Variants in LDLRAD3 observed in about 807,000 individuals in gnomAD.
LDLRAD3 encodes the protein low density lipoprotein receptor class A domain containing 3.
In LDLRAD3, 20 loss-of-function variants were observed where a neutral mutation model predicts 29.4. The observed-to-expected ratio is 0.68, with a 90% CI of 0.48 to 0.99. LDLRAD3 has a LOEUF of 0.99. Among genes scored for constraint, LDLRAD3 ranks in the 50% least tolerant of loss-of-function variants. The probability of loss-of-function intolerance (pLI) is 0.00; values close to 1 mark genes in which losing one functional copy is unlikely to be tolerated. For missense variants in LDLRAD3, 420 were observed against 454.3 expected (o/e 0.92, Z 0.69); for synonymous variants, 157 against 192.7 (o/e 0.81, Z 1.53).
chr11:36,154,006 A>T (rs1251173243), intron 4 of LDLRAD3, among the ~76,000 whole-genome samples: 1 of 152,044 alleles, frequency 6.6e-6, no homozygotes, highest in East Asian at 1.9e-4. Flanking sequence ...GGAGTTGGAG[A>T]GGCACCTTCA....
chr11:36,210,590 C>T (rs1458161718), intron 4 of LDLRAD3, among the ~76,000 whole-genome samples: 3 of 152,106 alleles, frequency 2.0e-5, no homozygotes, highest in Non-Finnish European at 2.9e-5. Flanking sequence ...CCAGGAGGCC[C>T]ACTGGTGTTG....
chr11:36,136,559 T>C (rs1854006914), intron 4 of LDLRAD3, among the ~76,000 whole-genome samples: 1 of 152,174 alleles, frequency 6.6e-6, no homozygotes, highest in South Asian at 2.1e-4. Flanking sequence ...TACTTGCTTC[T>C]GCTTTCACCA....
intron 4 of LDLRAD3, among the ~76,000 whole-genome samples, chr11:36,181,219 C>A (rs1854757252): frequency 8.4e-6 from 1 of 119,020 alleles, no homozygotes; most frequent in Non-Finnish European, 1.7e-5. Context: ...AAAAGTAATA[C>A]CTACACATGG....
chr11:36,109,078 T>A (rs1853571710), intron 4 of LDLRAD3, among the ~76,000 whole-genome samples: 1 of 152,110 alleles, frequency 6.6e-6, no homozygotes, highest in Non-Finnish European at 1.5e-5. Context: ...ATGTGGCAGA[T>A]GGAGGATTTT....
chr11:35,968,105 T>C, intron 1 of LDLRAD3: 1 of 451,346 alleles, frequency 2.2e-6, no homozygotes. Context: ...TGGTTTCTCA[T>C]AGAACACATG....
chr11:36,093,846 G>A (rs1375317054), intron 3 of LDLRAD3, among the ~76,000 whole-genome samples: 1 of 152,176 alleles, frequency 6.6e-6, no homozygotes, highest in East Asian at 1.9e-4. Context: ...GTGTGTCTGG[G>A]TCCAGGGCTT....
chr11:35,983,879 C>T (rs139249196), intron 1 of LDLRAD3, among the ~76,000 whole-genome samples: 1,572 of 152,336 alleles, frequency 0.01, 10 homozygotes, highest in Non-Finnish European at 0.015. Flanking sequence ...CCTGCCTCGG[C>T]CTCCCAAAGT....
chr11:35,949,109 C>T (rs535328469), intron 1 of LDLRAD3, among the ~76,000 whole-genome samples: 1 of 152,272 alleles, frequency 6.6e-6, no homozygotes, highest in Non-Finnish European at 1.5e-5. Context: ...TCCCAAGGGC[C>T]TTTGGGCTTT....
At chr11:36,214,769 G>T (rs2133384274) in intron 4 of LDLRAD3, among the ~76,000 whole-genome samples, 1 of 152,290 alleles carries the variant, frequency 6.6e-6, no homozygotes, top group South Asian at 2.1e-4. Flanking sequence ...TCACCTGTGA[G>T]GCTGAATGGA....
chr11:36,227,275 G>T lies in LDLRAD3; in HGVS notation c.645G>T (p.Val215=). ...TLPVHRLQHP[V]LLSRLVVLDH... ...CCGTGCACCGGCTGCAGCACCCTGT[G>T]CTGCTGTCCCGCCTGGTGGTCCTGG... is the stretch of plus-strand genomic sequence containing the variant. Residue 215 remains valine, a synonymous_variant, in exon 5 of 6, where the codon GTG becomes GTT. Coordinates refer to ENST00000315571, the MANE Select transcript of LDLRAD3 (RefSeq NM_174902.4). 1 of 1,614,164 alleles carries T rather than the reference G, an allele frequency of 6.2e-7. No individual in the cohort carries two copies. The highest frequency in any genetic ancestry group is 1.3e-5 in the African/African-American group (1 of 75,070).
At chr11:36,015,308 C>A in intron 1 of LDLRAD3, among the ~76,000 whole-genome samples, 1 of 1,858 alleles carries the variant, frequency 5.4e-4, no homozygotes, top group African/African-American at 2.6e-3. Flanking sequence ...CATGCCATTC[C>A]CCCCCCCCGC....
intron 4 of LDLRAD3, among the ~76,000 whole-genome samples, chr11:36,177,031 T>G (rs945947999): frequency 6.6e-6 from 1 of 152,124 alleles, no homozygotes; most frequent in African/African-American, 2.4e-5. Flanking sequence ...TTCTTTGTCT[T>G]TGTCAGATTG....
intron 4 of LDLRAD3, among the ~76,000 whole-genome samples, chr11:36,150,100 G>A (rs1854256548): frequency 6.6e-6 from 1 of 152,100 alleles, no homozygotes; most frequent in African/African-American, 2.4e-5. Context: ...GTTTACCTGG[G>A]GACTGTGTGG....
Position 35,996,504 on chromosome 11 carries a change from A to G in LDLRAD3, c.47-39599A>G, listed in dbSNP as rs539813845. Among the ~76,000 whole-genome samples the G allele has an allele frequency of 2.6e-5, 4 of 152,354 alleles. No individual in the cohort carries two copies. The East Asian group carries it at 7.7e-4, about 29-fold the overall frequency. On this transcript the variant is annotated intron_variant, in intron 1 of 5. Coordinates refer to ENST00000315571, the MANE Select transcript of LDLRAD3 (RefSeq NM_174902.4). The stretch of plus-strand genomic sequence containing the variant: ...ATTATGAGAATTCCCAAAATGTGAT[A>G]CAAACACATGAAGTGGCACACGAGG...
At chr11:36,089,184 G>C (rs1313502420) in intron 3 of LDLRAD3, among the ~76,000 whole-genome samples, 2 of 152,128 alleles carry the variant, frequency 1.3e-5, no homozygotes, top group Non-Finnish European at 2.9e-5. Flanking sequence ...TGAACTGCTT[G>C]GCTGACAGTT....
chr11:36,059,495 A>C (rs1203290325), intron 2 of LDLRAD3, among the ~76,000 whole-genome samples: 9 of 151,424 alleles, frequency 5.9e-5, no homozygotes, highest in South Asian at 2.1e-4. Flanking sequence ...GATTCATTGT[A>C]CCCTCCCCTG....
chr11:35,973,217 C>T (rs541666014), intron 1 of LDLRAD3, among the ~76,000 whole-genome samples: 79 of 151,970 alleles, frequency 5.2e-4, no homozygotes, highest in Non-Finnish European at 9.9e-4. Flanking sequence ...AAATATATTT[C>T]AGAGATCTCT....
At chr11:36,126,239 A>C (rs35494247) in intron 4 of LDLRAD3, among the ~76,000 whole-genome samples, 35,594 of 151,738 alleles carry the variant, frequency 0.23, 4,919 homozygotes, top group East Asian at 0.34. Context: ...CTCATCACCT[A>C]TCTCTGCTGG....
intron 2 of LDLRAD3, among the ~76,000 whole-genome samples, chr11:36,069,787 A>G (rs1260454589): frequency 1.3e-5 from 2 of 152,182 alleles, no homozygotes; most frequent in African/African-American, 4.8e-5. Context: ...TGATTCCACA[A>G]TTCCACAAAC....
Sources: gnomAD v4.1 joint callset for allele counts (sites outside exome capture counted in the v4.1 genomes callset) on GRCh38, gnomAD v4.1.1 for gene constraint, MANE v1.5 for transcripts, NCBI Gene and HGNC (gene_info 2026-07-23, HGNC 2026-07-21) for gene names.